Variants in RABGAP1L observed in about 807,000 individuals in gnomAD.
RABGAP1L encodes RAB GTPase activating protein 1 like.
In RABGAP1L, 63 loss-of-function variants were observed where a neutral mutation model predicts 137.7. The ratio of observed to expected loss-of-function variants is 0.46; its 90% confidence interval spans 0.37 to 0.56. The LOEUF is 0.56. Ranked by LOEUF, RABGAP1L falls within the 20% of genes least tolerant of loss-of-function variation. RABGAP1L has a pLI of 0.00. For synonymous variants in RABGAP1L, 431 were observed against 433.7 expected, an observed-to-expected ratio of 0.99 and a Z score of 0.08; for missense variants, 1,095 against 1,244.0, an observed-to-expected ratio of 0.88 and a Z score of 1.80.
chr1:174,504,578 A>G (rs1661641838), intron 13 of RABGAP1L, among the ~76,000 whole-genome samples: 1 of 152,206 alleles, frequency 6.6e-6, no homozygotes, highest in African/African-American at 2.4e-5. Context: ...AAATACATTT[A>G]TAGTCAATTG....
intron 17 of RABGAP1L, among the ~76,000 whole-genome samples, chr1:174,734,979 A>C (rs1572970600): frequency 1.1e-5 from 1 of 88,954 alleles, no homozygotes; most frequent in Non-Finnish European, 2.2e-5. Flanking sequence ...TTTTTTTTTT[A>C]AGATATGGGG....
At chr1:174,724,973 C>G (rs534638822) in intron 17 of RABGAP1L, among the ~76,000 whole-genome samples, 33 of 152,096 alleles carry the variant, frequency 2.2e-4, no homozygotes, top group Non-Finnish European at 4.1e-4. Context: ...GCCAGACTTT[C>G]TAGAACACAA....
intron 20 of RABGAP1L, among the ~76,000 whole-genome samples, chr1:174,963,147 T>C (rs892227237): frequency 1.3e-5 from 2 of 152,192 alleles, no homozygotes; most frequent in African/African-American, 4.8e-5. Flanking sequence ...ACTTACATTT[T>C]ATTATTTTTT....
chr1:174,320,869 G>A (rs554367954), intron 11 of RABGAP1L, among the ~76,000 whole-genome samples: 33 of 152,220 alleles, frequency 2.2e-4, no homozygotes, highest in Admixed American at 5.9e-4. Flanking sequence ...AAATCTGGGC[G>A]CCTTGAAACA....
At chr1:174,224,992 A>G (rs1670057637) in intron 3 of RABGAP1L, among the ~76,000 whole-genome samples, 1 of 151,792 alleles carries the variant, frequency 6.6e-6, no homozygotes, top group East Asian at 1.9e-4. Context: ...TCTTTAACCA[A>G]ATTTGGGAGT....
At chr1:174,664,699 C>G (rs1676619897) in intron 14 of RABGAP1L, among the ~76,000 whole-genome samples, 1 of 139,514 alleles carries the variant, frequency 7.2e-6, no homozygotes, top group South Asian at 2.3e-4. Context: ...ATGGTTCTTT[C>G]TCTCTCTCTC....
intron 18 of RABGAP1L, among the ~76,000 whole-genome samples, chr1:174,780,712 T>TCCCCCCCA (rs1325510701): frequency 0.017 from 1,462 of 87,086 alleles, 17 homozygotes; most frequent in Middle Eastern, 0.068. Context: ...ATGCTATCCC[T>TCCCCCCCA]CCCCCCCACC....
intron 17 of RABGAP1L, among the ~76,000 whole-genome samples, chr1:174,714,201 T>C (rs561522107): frequency 2.6e-5 from 4 of 152,306 alleles, no homozygotes; most frequent in Admixed American, 2.6e-4. Flanking sequence ...TTTTTTCCTC[T>C]TTGTGCTTGG....
chr1:174,304,852 C>T, intron 10 of RABGAP1L, 134 bp from the exon 11 acceptor site: 1 of 759,506 alleles, frequency 1.3e-6, no homozygotes, highest in Non-Finnish European at 2.0e-6. Flanking sequence ...GTTTTCAGAA[C>T]CTCAGACATG....
At chr1:174,424,581 A>G (rs1352678100) in intron 13 of RABGAP1L, among the ~76,000 whole-genome samples, 1 of 152,068 alleles carries the variant, frequency 6.6e-6, no homozygotes, top group Non-Finnish European at 1.5e-5. Context: ...TGTTTTCTTT[A>G]TAGAAATTGA....
intron 10 of RABGAP1L, among the ~76,000 whole-genome samples, chr1:174,284,712 A>T (rs1675899959): frequency 7.6e-6 from 1 of 132,344 alleles, no homozygotes; most frequent in Admixed American, 7.7e-5. Flanking sequence ...TTCTGTTCTC[A>T]CCAACATTTG....
rs1009991406 is a variant in RABGAP1L, at chr1:174,195,737, T to C, written c.-33-23388T>C. ...CTTTTCTTTCTTTTCTTTCTTTTCT[T>C]TCTTTCTTTCTTTCTCTCTTTCTCT... On this transcript the variant is annotated intron_variant, in intron 1 of 25. Coordinates refer to ENST00000681986, the MANE Select transcript of RABGAP1L (RefSeq NM_001366446.1). Among the ~76,000 whole-genome samples the C allele has an allele frequency of 5.3e-3, 736 of 138,948 alleles. 5 individuals carry two copies. The highest frequency in any genetic ancestry group is 0.012 in the African/African-American group (409 of 34,782). The allele number at this position is 138,948 out of a possible 152,430, so 91.2% of individuals were successfully genotyped here.
At chr1:174,886,304 G>A (rs1365389742) in intron 19 of RABGAP1L, among the ~76,000 whole-genome samples, 1 of 152,154 alleles carries the variant, frequency 6.6e-6, no homozygotes, top group Non-Finnish European at 1.5e-5. Flanking sequence ...AAGCCACCGC[G>A]CCTGGCGAGA....
intron 12 of RABGAP1L, among the ~76,000 whole-genome samples, chr1:174,383,797 G>T (rs1031965738): frequency 6.6e-6 from 1 of 152,206 alleles, no homozygotes; most frequent in African/African-American, 2.4e-5. Context: ...TTCCTATTCG[G>T]CCATCTTGGC....
chr1:174,539,252 A>G (rs1358032845), intron 13 of RABGAP1L, among the ~76,000 whole-genome samples: 7 of 151,558 alleles, frequency 4.6e-5, no homozygotes, highest in African/African-American at 1.5e-4. Context: ...CCGGGGTTTT[A>G]TTTTTGATTT....
intron 11 of RABGAP1L, among the ~76,000 whole-genome samples, chr1:174,355,364 C>CA (rs1397177474): frequency 1.4e-5 from 2 of 147,316 alleles, no homozygotes; most frequent in African/African-American, 5.0e-5. Context: ...ATCGCAAGGA[C>CA]AAAAAACCAA....
intron 7 of RABGAP1L, among the ~76,000 whole-genome samples, chr1:174,262,297 A>G (rs979202181): frequency 1.3e-4 from 20 of 152,342 alleles, no homozygotes; most frequent in Middle Eastern, 3.4e-3. Flanking sequence ...AGGCGGCATC[A>G]TGGTTTAAGT....
chr1:174,833,650 C>T (rs1692419941), intron 19 of RABGAP1L, among the ~76,000 whole-genome samples: 1 of 150,870 alleles, frequency 6.6e-6, no homozygotes, highest in South Asian at 2.1e-4. Flanking sequence ...TTCACTTAAT[C>T]TTTACCACTT....
chr1:174,493,111 G>A (rs898760267), intron 13 of RABGAP1L, among the ~76,000 whole-genome samples: 13 of 149,320 alleles, frequency 8.7e-5, no homozygotes, highest in Admixed American at 6.7e-4. Context: ...CTGTAATCTC[G>A]CACTTTGGAG....
Sources: allele counts gnomAD v4.1 joint callset (sites outside exome capture counted in the v4.1 genomes callset), GRCh38; gene constraint gnomAD v4.1.1; transcripts MANE v1.5; gene names NCBI Gene and HGNC (gene_info 2026-07-23, HGNC 2026-07-21).